ADGB: variants seen among roughly 807,000 people sequenced by gnomAD.
The protein encoded by ADGB is androglobin.
Under a neutral mutation model 210.5 loss-of-function variants are expected in ADGB, and 172 were observed. The observed-to-expected ratio is 0.82, with a 90% CI of 0.72 to 0.93. The LOEUF is 0.93. ADGB is among the 40% of genes least tolerant of loss of function. The pLI is 0.00. For synonymous variants in ADGB, 658 were observed against 662.7 expected, an observed-to-expected ratio of 0.99 and a Z score of 0.11; for missense variants, 2,025 against 1,964.8, an observed-to-expected ratio of 1.03 and a Z score of -0.58.
chr6:146,778,338 T>A (rs1777752049), intron 29 of ADGB, among the ~76,000 whole-genome samples: 1 of 152,176 alleles, frequency 6.6e-6, no homozygotes, highest in Non-Finnish European at 1.5e-5. Context: ...GCACTGAGTT[T>A]GCTTTTCTGT....
At chr6:146,688,056 A>G (rs1776256196) in intron 10 of ADGB, among the ~76,000 whole-genome samples, 1 of 152,152 alleles carries the variant, frequency 6.6e-6, no homozygotes, top group South Asian at 2.1e-4. Context: ...TGAATTATCT[A>G]TGATATACTA....
At chr6:146,722,181 C>T (rs1374657511) in intron 17 of ADGB, among the ~76,000 whole-genome samples, 1 of 152,074 alleles carries the variant, frequency 6.6e-6, no homozygotes, top group African/African-American at 2.4e-5. Flanking sequence ...CCTTGGTCCC[C>T]TACTTTCATG....
intron 6 of ADGB, among the ~76,000 whole-genome samples, chr6:146,664,786 G>T (rs563990974): frequency 6.6e-6 from 1 of 151,906 alleles, no homozygotes; most frequent in Admixed American, 6.6e-5. Flanking sequence ...GTCAATGTAC[G>T]CTTCATGATT....
intron 13 of ADGB, among the ~76,000 whole-genome samples, chr6:146,704,479 G>A (rs918900452): frequency 3.3e-5 from 5 of 151,934 alleles, no homozygotes; most frequent in Non-Finnish European, 7.4e-5. Context: ...AATGCATTTT[G>A]AGTTAATTTT....
chr6:146,743,783 G>A (rs1777190954), intron 25 of ADGB, among the ~76,000 whole-genome samples: 3 of 152,112 alleles, frequency 2.0e-5, no homozygotes, highest in African/African-American at 4.8e-5. Flanking sequence ...GCGTGGTGGC[G>A]TGCGCCTGTA....
chr6:146,622,978 T>G (rs974892647), intron 1 of ADGB, among the ~76,000 whole-genome samples: 1 of 152,034 alleles, frequency 6.6e-6, no homozygotes, highest in Admixed American at 6.6e-5. Context: ...TTTATTCAAT[T>G]GTTTTGTTAC....
chr6:146,813,356 G>T (rs555389113), intron 35 of ADGB, among the ~76,000 whole-genome samples: 1 of 152,188 alleles, frequency 6.6e-6, no homozygotes, highest in Non-Finnish European at 1.5e-5. Context: ...GTCCGTTGGT[G>T]GTTTATTGTG....
chr6:146,794,292 G>A (rs984500634), intron 33 of ADGB, among the ~76,000 whole-genome samples: 1 of 152,096 alleles, frequency 6.6e-6, no homozygotes, highest in African/African-American at 2.4e-5. Context: ...TGAGTTTATT[G>A]TTTTCATTTT....
rs768960193 is a variant in ADGB at position 146,685,759 on chromosome 6, T to C, written c.1242T>C (p.His414=). 2.0e-6 allele frequency: 3 copies of C among 1,537,790 alleles called. No homozygotes were observed. The highest frequency in any genetic ancestry group is 2.6e-6 in the Non-Finnish European group (3 of 1,141,456). ...SDCSSAIQTS[H]MVVYATFTPL... ...GTTCTTCTGCAATACAGACCTCTCA[T>C]ATGGTCGTATATGCGACATTTACAC... Residue 414 remains histidine, a synonymous_variant, in exon 10 of 36, where the codon CAT becomes CAC. Transcript: ENST00000397944.
intron 12 of ADGB, among the ~76,000 whole-genome samples, chr6:146,693,385 A>T (rs1274103772): frequency 1.3e-5 from 2 of 152,164 alleles, no homozygotes; most frequent in Admixed American, 1.3e-4. Context: ...GAGCACACAG[A>T]GAAGGCAGCT....
chr6:146,656,196 T>A (rs1775778379), intron 4 of ADGB, among the ~76,000 whole-genome samples: 1 of 152,204 alleles, frequency 6.6e-6, no homozygotes, highest in Non-Finnish European at 1.5e-5. Flanking sequence ...ATCCACCCAC[T>A]GGGCCTTGCT....
In ADGB at chr6:146,664,333, A is replaced by C; in HGVS notation, c.745A>C (p.Asn249His). The C allele has an allele frequency of 6.5e-7, 1 of 1,548,512 alleles. No homozygotes were observed. Among genetic ancestry groups the C allele is most frequent in the Admixed American group, 2.0e-5 (1 of 50,714 alleles). The change falls in exon 6 of 36, where the codon AAT (asparagine) becomes CAT (histidine). Residue 249 changes from asparagine (N) to histidine (H), a missense_variant. Coordinates refer to ENST00000397944, the MANE Select transcript of ADGB (RefSeq NM_024694.4). ...LLSKAIIKLA[N>H]IDIHVADRRE... The stretch of plus-strand genomic sequence containing the variant: ...GTCTAAAGCTATTATCAAGCTGGCA[A>C]ATATTGAGTATGTAATGACACTATC...
chr6:146,791,834 T>C (rs1241340057), intron 33 of ADGB, among the ~76,000 whole-genome samples: 1 of 151,340 alleles, frequency 6.6e-6, no homozygotes, highest in Non-Finnish European at 1.5e-5. Context: ...TAACAGCTCA[T>C]TGCAGCCTCA....
intron 1 of ADGB, among the ~76,000 whole-genome samples, chr6:146,616,621 G>A (rs531224271): frequency 3.4e-4 from 51 of 152,148 alleles, no homozygotes; most frequent in African/African-American, 1.1e-3. Flanking sequence ...TGAAAGGTGG[G>A]GGTCTAGTTT....
chr6:146,759,648 A>G (rs1232540061), intron 27 of ADGB, among the ~76,000 whole-genome samples: 1 of 151,774 alleles, frequency 6.6e-6, no homozygotes, highest in Non-Finnish European at 1.5e-5. Context: ...GTGTACATGC[A>G]TATATATGAA....
At chr6:146,658,976 T>A (rs1775819886) in intron 5 of ADGB, among the ~76,000 whole-genome samples, 1 of 152,226 alleles carries the variant, frequency 6.6e-6, no homozygotes, top group Non-Finnish European at 1.5e-5. Context: ...CCTGGTTTTC[T>A]GATTAGTAGA....
At chr6:146,650,456 C>G (rs952311237) in intron 3 of ADGB, among the ~76,000 whole-genome samples, 4 of 151,196 alleles carry the variant, frequency 2.6e-5, no homozygotes, top group Non-Finnish European at 5.9e-5. Flanking sequence ...TGGAATTTGC[C>G]CATCAGTTTG....
chr6:146,620,887 T>G (rs139838449), intron 1 of ADGB, among the ~76,000 whole-genome samples: 166 of 152,260 alleles, frequency 1.1e-3, no homozygotes, highest in African/African-American at 3.9e-3. Context: ...TTCCTGAGCA[T>G]TTGATGAGAC....
intron 29 of ADGB, chr6:146,770,360 A>G (rs949750790): frequency 9.1e-6 from 2 of 218,954 alleles, no homozygotes; most frequent in Non-Finnish European, 2.0e-5. Flanking sequence ...ATTCAAAGAA[A>G]AGCTATAAAA....
Sources: allele counts gnomAD v4.1 joint callset (sites outside exome capture counted in the v4.1 genomes callset), GRCh38; gene constraint gnomAD v4.1.1; transcripts MANE v1.5; gene names NCBI Gene and HGNC (gene_info 2026-07-23, HGNC 2026-07-21).